Variants in PAIP2B observed in about 807,000 individuals in gnomAD.
PAIP2B encodes the protein poly(A) binding protein interacting protein 2B.
Under a neutral mutation model 17.0 loss-of-function variants are expected in PAIP2B, and 13 were observed. The observed-to-expected ratio is 0.76, with a 90% CI of 0.50 to 1.22. PAIP2B has a LOEUF of 1.22. Among genes scored for constraint, PAIP2B ranks in the 50% most tolerant of loss-of-function variants. The probability of loss-of-function intolerance (pLI) is 0.00; values close to 1 mark genes in which losing one functional copy is unlikely to be tolerated. For missense variants in PAIP2B, 117 were observed against 144.5 expected (o/e 0.81, Z 0.98); for synonymous variants, 43 against 48.7 (o/e 0.88, Z 0.48).
intron 1 of PAIP2B, among the ~76,000 whole-genome samples, chr2:71,220,363 T>TA (rs1001360258): frequency 1.2e-4 from 18 of 152,166 alleles, no homozygotes; most frequent in African/African-American, 4.3e-4. Flanking sequence ...GAACCATTTC[T>TA]ATTTAACCAT....
chr2:71,186,222 G>C lies in PAIP2B; in HGVS notation c.*2257C>G, dbSNP rs886404228. 6 of 152,226 alleles carry C rather than the reference G, an allele frequency of 3.9e-5. No individual in the cohort carries two copies. Among genetic ancestry groups the C allele is most frequent in the Non-Finnish European group, 8.8e-5 (6 of 68,046 alleles). The allele number at this position is 152,226 out of a possible 1,614,324, so 9.4% of individuals were successfully genotyped here. A position where few individuals can be genotyped will look rare whatever the true frequency, so the allele number is the denominator to read the frequency against. On this transcript the variant is annotated 3_prime_UTR_variant, in exon 4 of 4. Transcript: ENST00000244221. ...CTAAGAAGGTAGCAAACTCTAACTA[G>C]CCTGTGTTGTGAGTGACAATTGTGC...
chr2:71,192,805 A>G (rs775082364), intron 2 of PAIP2B, among the ~76,000 whole-genome samples: 5 of 152,200 alleles, frequency 3.3e-5, no homozygotes, highest in Non-Finnish European at 5.9e-5. Context: ...TCCATGGTGT[A>G]TATGTACCAC....
intron 2 of PAIP2B, among the ~76,000 whole-genome samples, chr2:71,198,793 CT>C (rs1674898812): frequency 6.6e-6 from 1 of 152,208 alleles, no homozygotes; most frequent in African/African-American, 2.4e-5. Flanking sequence ...GCTGTTAATA[CT>C]TGTGATTGCA....
At chr2:71,194,681 A>AG (rs1236490085) in intron 2 of PAIP2B, among the ~76,000 whole-genome samples, 2 of 152,208 alleles carry the variant, frequency 1.3e-5, no homozygotes, top group Non-Finnish European at 2.9e-5. Flanking sequence ...TTGTCTGCAA[A>AG]CAGATATAGT....
intron 1 of PAIP2B, among the ~76,000 whole-genome samples, chr2:71,220,914 C>T (rs937908111): frequency 2.0e-5 from 3 of 152,264 alleles, no homozygotes; most frequent in Admixed American, 6.5e-5. Context: ...CAGCTGCTCA[C>T]CCATCTGTCT....
Position 71,187,074 on chromosome 2 carries a change from A to T in PAIP2B, c.*1405T>A, listed in dbSNP as rs1283485010. 1 of 152,270 alleles carries T rather than the reference A, an allele frequency of 6.6e-6. No homozygotes were observed. The highest frequency in any genetic ancestry group is 2.4e-5 in the African/African-American group (1 of 41,450). 9.4% of individuals were successfully genotyped at this position (152,270 alleles called of 1,614,324 possible). A position where few individuals can be genotyped will look rare whatever the true frequency, so the allele number is the denominator to read the frequency against. On this transcript the variant is annotated 3_prime_UTR_variant, in exon 4 of 4. Transcript: ENST00000244221. Reference sequence around the variant, plus strand: ...CACAGCACAGTAGCAATCAGAAAGAAGCCACTATTATCTTCAGGGCTCTCC... The same window carrying T: ...CACAGCACAGTAGCAATCAGAAAGATGCCACTATTATCTTCAGGGCTCTCC...
chr2:71,202,970 C>A (rs1212888839), intron 1 of PAIP2B, among the ~76,000 whole-genome samples: 1 of 152,046 alleles, frequency 6.6e-6, no homozygotes, highest in African/African-American at 2.4e-5. Context: ...AAAATGCATT[C>A]TTAATGAACA....
chr2:71,204,017 A>G lies in PAIP2B; in HGVS notation c.-11-1417T>C, dbSNP rs140022259. 5.8e-4 allele frequency among the ~76,000 whole-genome samples: 89 copies of G among 152,240 alleles called. 1 individual carries two copies. In the East Asian group the frequency reaches 0.016, roughly 28 times the overall value. On this transcript the variant is annotated intron_variant, in intron 1 of 3. Coordinates refer to ENST00000244221, the MANE Select transcript of PAIP2B (RefSeq NM_020459.1). ...TCTTCATTCACTACTTTCCTTCGCTATTTATTCACTGCTTCCCTTCTGTAC... is the reference window on the plus strand; with the variant it reads ...TCTTCATTCACTACTTTCCTTCGCTGTTTATTCACTGCTTCCCTTCTGTAC...
At chr2:71,218,424 C>T (rs1335104311) in intron 1 of PAIP2B, among the ~76,000 whole-genome samples, 1 of 151,812 alleles carries the variant, frequency 6.6e-6, no homozygotes, top group Non-Finnish European at 1.5e-5. Flanking sequence ...ATTAAAAAGA[C>T]TCAAAAGCAC....
intron 1 of PAIP2B, among the ~76,000 whole-genome samples, chr2:71,203,109 A>T (rs1211197517): frequency 6.6e-6 from 1 of 152,216 alleles, no homozygotes; most frequent in African/African-American, 2.4e-5. Flanking sequence ...CCAGCCATCC[A>T]GAGTTAAGAA....
At position 71,186,738 on chromosome 2, in the gene PAIP2B, G is replaced by C. The variant is rs1488714371; in HGVS notation, c.*1741C>G. ...TTAACAGTTTCATTCTCTCAACATA[G>C]AGGCTTTGGGAATTAATGTGTCTGT... On this transcript the variant is annotated 3_prime_UTR_variant, in exon 4 of 4. Transcript: ENST00000244221. 1 of 152,164 alleles carries C rather than the reference G, an allele frequency of 6.6e-6. No individual in the cohort carries two copies. Among genetic ancestry groups the C allele is most frequent in the Non-Finnish European group, 1.5e-5 (1 of 68,028 alleles). The allele number at this position is 152,164 out of a possible 1,614,324, so 9.4% of individuals were successfully genotyped here.
At chr2:71,201,396 T>C (rs925681137) in intron 2 of PAIP2B, among the ~76,000 whole-genome samples, 1 of 151,984 alleles carries the variant, frequency 6.6e-6, no homozygotes, top group African/African-American at 2.4e-5. Context: ...CTTTTTTTTT[T>C]TTTTTGAGAC....
chr2:71,199,408 TAAA>T (rs61527424), intron 2 of PAIP2B, among the ~76,000 whole-genome samples: 4 of 137,462 alleles, frequency 2.9e-5, no homozygotes, highest in Non-Finnish European at 3.2e-5. Context: ...AAGCTTAGAG[TAAA>T]AAAAAAAAAA....
intron 1 of PAIP2B, among the ~76,000 whole-genome samples, chr2:71,207,100 A>G (rs1008241588): frequency 6.6e-6 from 1 of 152,168 alleles, no homozygotes; most frequent in Non-Finnish European, 1.5e-5. Flanking sequence ...TGCCCTGGTG[A>G]TATTTACATT....
chr2:71,200,762 C>A (rs1000735217), intron 2 of PAIP2B, among the ~76,000 whole-genome samples: 4 of 152,000 alleles, frequency 2.6e-5, no homozygotes, highest in African/African-American at 9.7e-5. Context: ...CACAAACAAA[C>A]AAACAAAAAA....
At chr2:71,193,203 C>CT (rs2103759558) in intron 2 of PAIP2B, among the ~76,000 whole-genome samples, 1 of 152,204 alleles carries the variant, frequency 6.6e-6, no homozygotes, top group Admixed American at 6.5e-5. Context: ...TGATATTGAG[C>CT]TTTTTTTCAT....
chr2:71,197,936 G>T (rs145893627), intron 2 of PAIP2B, among the ~76,000 whole-genome samples: 29 of 152,324 alleles, frequency 1.9e-4, no homozygotes, highest in Middle Eastern at 3.4e-3. Context: ...TACAAGATGA[G>T]ATTTGGGTGG....
At chr2:71,210,080 T>A (rs961905867) in intron 1 of PAIP2B, among the ~76,000 whole-genome samples, 14 of 152,172 alleles carry the variant, frequency 9.2e-5, no homozygotes, top group Non-Finnish European at 1.5e-4. Flanking sequence ...CGCCTCAGCC[T>A]CCCAAAGTGC....
chr2:71,196,448 T>A (rs1381675887), intron 2 of PAIP2B, among the ~76,000 whole-genome samples: 3 of 152,190 alleles, frequency 2.0e-5, no homozygotes, highest in African/African-American at 7.2e-5. Context: ...AATTTTAAAG[T>A]GTGTACCATG....
Sources: allele counts gnomAD v4.1 joint callset (sites outside exome capture counted in the v4.1 genomes callset), GRCh38; gene constraint gnomAD v4.1.1; transcripts MANE v1.5; gene names NCBI Gene and HGNC (gene_info 2026-07-23, HGNC 2026-07-21).